Variants in SYNDIG1 observed in about 807,000 individuals in gnomAD.
The protein encoded by SYNDIG1 is synapse differentiation-inducing gene protein 1.
Under a neutral mutation model 19.4 loss-of-function variants are expected in SYNDIG1, and 9 were observed. The observed-to-expected ratio is 0.46, with a 90% CI of 0.28 to 0.81. The LOEUF (loss-of-function observed/expected upper bound fraction) is 0.81. Among genes scored for constraint, SYNDIG1 ranks in the 30% least tolerant of loss-of-function variants. The pLI is 0.12. For missense variants in SYNDIG1, 311 were observed against 343.3 expected, an observed-to-expected ratio of 0.91 and a Z score of 0.74; for synonymous variants, 141 against 145.9, an observed-to-expected ratio of 0.97 and a Z score of 0.24.
intron 1 of SYNDIG1, among the ~76,000 whole-genome samples, chr20:24,486,890 CTCG>C (rs1397953005): frequency 6.6e-6 from 1 of 152,056 alleles, no homozygotes; most frequent in East Asian, 1.9e-4. Context: ...ATCTCCTGAC[CTCG>C]TGATCCACCT....
At chr20:24,531,940 T>C (rs1490718674) in intron 1 of SYNDIG1, among the ~76,000 whole-genome samples, 1 of 152,210 alleles carries the variant, frequency 6.6e-6, no homozygotes, top group Non-Finnish European at 1.5e-5. Flanking sequence ...GCCTGCAGCA[T>C]TTTCTTCCAT....
intron 3 of SYNDIG1, among the ~76,000 whole-genome samples, chr20:24,652,628 A>T (rs915596676): frequency 7.9e-5 from 12 of 152,244 alleles, no homozygotes; most frequent in African/African-American, 2.4e-4. Context: ...GACACAGCAG[A>T]TGACACCAGT....
At chr20:24,494,758 G>A (rs899686277) in intron 1 of SYNDIG1, among the ~76,000 whole-genome samples, 1 of 152,186 alleles carries the variant, frequency 6.6e-6, no homozygotes, top group Non-Finnish European at 1.5e-5. Flanking sequence ...CTGCTGTGCT[G>A]GCTTCAGGGA....
chr20:24,663,524 G>A (rs777013714), intron 3 of SYNDIG1, among the ~76,000 whole-genome samples: 16 of 152,222 alleles, frequency 1.1e-4, no homozygotes, highest in Middle Eastern at 3.4e-3. Flanking sequence ...GAGAAGTATC[G>A]CATTCCTCCT....
intron 1 of SYNDIG1, among the ~76,000 whole-genome samples, chr20:24,525,831 C>T (rs907652131): frequency 5.3e-5 from 8 of 152,138 alleles, no homozygotes; most frequent in African/African-American, 1.9e-4. Context: ...TTTGCAGTCT[C>T]CTGTTGTGAT....
intron 3 of SYNDIG1, among the ~76,000 whole-genome samples, chr20:24,640,347 T>C (rs1013601388): frequency 1.3e-4 from 17 of 130,224 alleles, no homozygotes; most frequent in African/African-American, 4.5e-4. Flanking sequence ...GAGAGAGACA[T>C]TGAGAGCGAG....
intron 2 of SYNDIG1, among the ~76,000 whole-genome samples, chr20:24,577,402 C>T (rs566409852): frequency 6.6e-6 from 1 of 152,342 alleles, no homozygotes; most frequent in South Asian, 2.1e-4. Context: ...GGGGCTTGCC[C>T]CGATGGTGCA....
intron 3 of SYNDIG1, among the ~76,000 whole-genome samples, chr20:24,661,302 G>GGAGGGAA (rs2059582966): frequency 6.9e-6 from 1 of 144,966 alleles, no homozygotes; most frequent in Non-Finnish European, 1.5e-5. Context: ...AAAGAAGGAG[G>GGAGGGAA]GAGGGAGGAA....
At chr20:24,661,329 A>ACC (rs2059583927) in intron 3 of SYNDIG1, among the ~76,000 whole-genome samples, 1 of 101,436 alleles carries the variant, frequency 9.9e-6, no homozygotes, top group African/African-American at 3.6e-5. Flanking sequence ...GGGAGGGAAG[A>ACC]GAGGGGGAGG....
At chr20:24,545,075 G>A (rs2057547798) in intron 2 of SYNDIG1, among the ~76,000 whole-genome samples, 1 of 152,194 alleles carries the variant, frequency 6.6e-6, no homozygotes, top group South Asian at 2.1e-4. Flanking sequence ...GGGAATGACA[G>A]GCCAAGGAGA....
At chr20:24,513,988 G>T (rs1223517489) in intron 1 of SYNDIG1, among the ~76,000 whole-genome samples, 11 of 152,184 alleles carry the variant, frequency 7.2e-5, no homozygotes, top group Non-Finnish European at 4.4e-5. Context: ...TTTAAGAAAA[G>T]AATTTTCAAC....
At chr20:24,494,082 G>A (rs79365197) in intron 1 of SYNDIG1, among the ~76,000 whole-genome samples, 5,445 of 152,214 alleles carry the variant, frequency 0.036, 164 homozygotes, top group Admixed American at 0.069. Context: ...GGGAGGATCT[G>A]GGAGAGAACT....
At chr20:24,522,588 C>G (rs1439564453) in intron 1 of SYNDIG1, among the ~76,000 whole-genome samples, 2 of 152,176 alleles carry the variant, frequency 1.3e-5, no homozygotes, top group African/African-American at 4.8e-5. Flanking sequence ...TCATTTCACT[C>G]TGTGGGATGA....
intron 3 of SYNDIG1, among the ~76,000 whole-genome samples, chr20:24,641,151 A>G (rs916722613): frequency 1.3e-5 from 2 of 152,212 alleles, no homozygotes; most frequent in African/African-American, 4.8e-5. Flanking sequence ...TAGCTATGTG[A>G]TCTTGGATAA....
intron 2 of SYNDIG1, among the ~76,000 whole-genome samples, chr20:24,556,014 G>A (rs2057807571): frequency 6.6e-6 from 1 of 152,170 alleles, no homozygotes. Context: ...ATATATTTAG[G>A]ATAGTTAGCT....
In SYNDIG1 at chr20:24,577,315, G is replaced by C. The variant is rs564320798; in HGVS notation, c.481-7541G>C. Reference sequence around the variant, plus strand: ...AAGCCTGGTGCAGAGAGGATGGTTTGACATGGGCAGAAGGGGTCGGGTCTT... The same window carrying C: ...AAGCCTGGTGCAGAGAGGATGGTTTCACATGGGCAGAAGGGGTCGGGTCTT... On this transcript the variant is annotated intron_variant, in intron 2 of 3. Transcript: ENST00000376862. Among the ~76,000 whole-genome samples, 135 of 152,360 alleles carry C rather than the reference G, an allele frequency of 8.9e-4. 1 individual carries two copies. Among genetic ancestry groups the C allele is most frequent in the African/African-American group, 3.2e-3 (133 of 41,598 alleles).
At chr20:24,530,803 G>C (rs1043206414) in intron 1 of SYNDIG1, among the ~76,000 whole-genome samples, 1 of 150,482 alleles carries the variant, frequency 6.6e-6, no homozygotes, top group Admixed American at 6.6e-5. Flanking sequence ...TTGTTTTTTG[G>C]GTTTTTTGTT....
chr20:24,546,780 G>T (rs1490978926), intron 2 of SYNDIG1, among the ~76,000 whole-genome samples: 1 of 151,926 alleles, frequency 6.6e-6, no homozygotes, highest in Non-Finnish European at 1.5e-5. Context: ...TAGACTTTTG[G>T]CATCATTTTT....
intron 3 of SYNDIG1, among the ~76,000 whole-genome samples, chr20:24,606,998 C>T (rs919612696): frequency 1.3e-5 from 2 of 152,200 alleles, no homozygotes; most frequent in East Asian, 1.9e-4. Context: ...GTTATATGAA[C>T]GGACCTCTTT....
Sources: allele counts gnomAD v4.1 joint callset (sites outside exome capture counted in the v4.1 genomes callset), GRCh38; gene constraint gnomAD v4.1.1; transcripts MANE v1.5; gene names NCBI Gene and HGNC (gene_info 2026-07-23, HGNC 2026-07-21).